C2CD4B: variants seen among roughly 807,000 people sequenced by gnomAD.
C2CD4B encodes C2 calcium dependent domain containing 4B.
For synonymous variants in C2CD4B, 347 were observed against 284.9 expected, an observed-to-expected ratio of 1.22 and a Z score of -2.20; for missense variants, 644 against 577.7, an observed-to-expected ratio of 1.11 and a Z score of -1.18.
In C2CD4B at chr15:62,164,578, G is replaced by C; in HGVS notation, c.407C>G (p.Pro136Arg). 1.7e-6 allele frequency: 2 copies of C among 1,198,298 alleles called. No individual in the cohort carries two copies. The highest frequency in any genetic ancestry group is 2.1e-6 in the Non-Finnish European group (2 of 969,684). The allele number at this position is 1,198,298 out of a possible 1,614,324, so 74.2% of individuals were successfully genotyped here. ...RAHSCGGGGG[P>R]DAPLGTLCGP... ...GCACAGGGTCCCCAGGGGGGCGTCC[G>C]GGCCTCCGCCGCCGCCGCAGCTGTG... The change falls in exon 2 of 2, where the codon CCG (proline) becomes CGG (arginine). Residue 136 changes from proline to arginine, a missense_variant. Coordinates refer to ENST00000380392, the MANE Select transcript of C2CD4B (RefSeq NM_001007595.3).
rs769432161 is a variant in C2CD4B, at chr15:62,164,935, G to T, written c.50C>A (p.Pro17Gln). ...LCSSAAGSSA[P>Q]KPAFAKVLTP... ...GAGCACTTTGGCGAAGGCGGGCTTC[G>T]GCGCGGAGCTGCCTGCGGCCGAGGA... is the stretch of plus-strand genomic sequence containing the variant. The change falls in exon 2 of 2, where the codon CCG (proline) becomes CAG (glutamine). Residue 17 changes from proline to glutamine, a missense_variant. Coordinates refer to ENST00000380392, the MANE Select transcript of C2CD4B (RefSeq NM_001007595.3). 62 of 1,535,236 alleles carry T rather than the reference G, an allele frequency of 4.0e-5. No homozygotes were observed. In the East Asian group the frequency reaches 1.3e-3, roughly 33 times the overall value.
chr15:62,164,816 G>A lies in C2CD4B; in HGVS notation c.169C>T (p.Arg57Cys). 1.4e-6 allele frequency: 2 copies of A among 1,465,114 alleles called. No individual in the cohort carries two copies. The highest frequency in any genetic ancestry group is 2.3e-4 in the Middle Eastern group (1 of 4,362). The allele number at this position is 1,465,114 out of a possible 1,614,324, so 90.8% of individuals were successfully genotyped here. A position where few individuals can be genotyped will look rare whatever the true frequency, so the allele number is the denominator to read the frequency against. The change falls in exon 2 of 2, where the codon CGC (arginine) becomes TGC (cysteine). Residue 57 changes from arginine to cysteine, a missense_variant. Coordinates refer to ENST00000380392, the MANE Select transcript of C2CD4B (RefSeq NM_001007595.3). ...CACAGGTCGCTTTCAGCGGCGCAGCGCCGGGGCACGGCGGCGGCCCGGATT... is the reference window on the plus strand; with the variant it reads ...CACAGGTCGCTTTCAGCGGCGCAGCACCGGGGCACGGCGGCGGCCCGGATT... The part of the protein sequence containing the change: ...SPIRAAAVPR[R>C]CAAESDLWPR...
chr15:62,163,992 G>GC lies in C2CD4B; in HGVS notation c.992dup (p.Leu332ProfsTer10), dbSNP rs771096284. On this transcript the variant is annotated frameshift_variant, in exon 2 of 2. Transcript: ENST00000380392. LOFTEE classifies it low-confidence loss of function (END_TRUNC). ...CCCGGGCCTTGACGCGAACGGCCAG[G>GC]CGGCGCACCTCGTCTTCCGAGAGGC... is the stretch of plus-strand genomic sequence containing the variant. 5.0e-6 allele frequency: 8 copies of GC among 1,600,690 alleles called. No individual in the cohort carries two copies. Among genetic ancestry groups the GC allele is most frequent in the Non-Finnish European group, 6.8e-6 (8 of 1,176,038 alleles).
chr15:62,163,711 C>G lies in C2CD4B; in HGVS notation c.*179G>C. On this transcript the variant is annotated 3_prime_UTR_variant, in exon 2 of 2. Coordinates refer to ENST00000380392, the MANE Select transcript of C2CD4B (RefSeq NM_001007595.3). ...AGATATGGGGGTCCTGTGAACAGAA[C>G]AGGGAGTCATTATCTTTTTCTTCTT... 5 of 946,712 alleles carry G rather than the reference C, an allele frequency of 5.3e-6. No individual in the cohort carries two copies. Among genetic ancestry groups the G allele is most frequent in the Non-Finnish European group, 7.2e-6 (5 of 698,892 alleles). 58.6% of individuals were successfully genotyped at this position (946,712 alleles called of 1,614,324 possible).
rs772180933 is a variant in C2CD4B, at chr15:62,164,809, G to A, written c.176C>T (p.Ala59Val). 1.4e-6 allele frequency: 2 copies of A among 1,469,680 alleles called. No individual in the cohort carries two copies. The highest frequency in any genetic ancestry group is 2.7e-5 in the South Asian group (2 of 73,866). The allele number at this position is 1,469,680 out of a possible 1,614,324, so 91.0% of individuals were successfully genotyped here. A position where few individuals can be genotyped will look rare whatever the true frequency, so the allele number is the denominator to read the frequency against. Reference sequence around the variant, plus strand: ...GCGGGGCCACAGGTCGCTTTCAGCGGCGCAGCGCCGGGGCACGGCGGCGGC... The same window carrying A: ...GCGGGGCCACAGGTCGCTTTCAGCGACGCAGCGCCGGGGCACGGCGGCGGC... ...IRAAAVPRRC[A>V]AESDLWPRAA... The change falls in exon 2 of 2, where the codon GCC (alanine) becomes GTC (valine). Residue 59 changes from alanine to valine, a missense_variant. Ala to Val is a moderately conservative substitution (Grantham distance 64). Transcript: ENST00000380392.
Position 62,164,951 on chromosome 15 carries a change from CG to C in C2CD4B, c.33del (p.Ala12GlnfsTer173). The C allele has an allele frequency of 2.0e-6, 3 of 1,528,154 alleles. No individual in the cohort carries two copies. Among genetic ancestry groups the C allele is most frequent in the Non-Finnish European group, 2.6e-6 (3 of 1,139,462 alleles). 94.7% of individuals were successfully genotyped at this position (1,528,154 alleles called of 1,614,324 possible). A position where few individuals can be genotyped will look rare whatever the true frequency, so the allele number is the denominator to read the frequency against. On this transcript the variant is annotated frameshift_variant, in exon 2 of 2. Coordinates refer to ENST00000380392, the MANE Select transcript of C2CD4B (RefSeq NM_001007595.3). LOFTEE classifies it low-confidence loss of function (END_TRUNC). ...GCGGGCTTCGGCGCGGAGCTGCCTGCGGCCGAGGAACAGAGTTTCTCGAGGA... is the reference window on the plus strand; with the variant it reads ...GCGGGCTTCGGCGCGGAGCTGCCTGCGCCGAGGAACAGAGTTTCTCGAGGA... MRLLEKLCSSAAGSSAPKPAF... is the reference protein window; with the variant it reads MRLLEKLCSSXAGSSAPKPAF...
Position 62,163,997 on chromosome 15 carries a change from G to T in C2CD4B, c.988C>A (p.Arg330Ser). ...CFDGLSEDEV[R>S]RLAVRVKARD... ...GCCTTGACGCGAACGGCCAGGCGGC[G>T]CACCTCGTCTTCCGAGAGGCCGTCG... The change falls in exon 2 of 2, where the codon CGC (arginine) becomes AGC (serine). Residue 330 changes from arginine (R) to serine (S), a missense_variant. By Grantham distance (110) the Arg-to-Ser change is moderately radical (BLOSUM62 -1). Transcript: ENST00000380392. 6.2e-7 allele frequency: 1 copy of T among 1,600,776 alleles called. No individual in the cohort carries two copies. Among genetic ancestry groups the T allele is most frequent in the South Asian group, 1.1e-5 (1 of 88,974 alleles).
In C2CD4B at chr15:62,164,755, TC is replaced by T; in HGVS notation, c.229del (p.Asp77ThrfsTer108). The T allele has an allele frequency of 6.7e-7, 1 of 1,486,318 alleles. No individual in the cohort carries two copies. The highest frequency in any genetic ancestry group is 1.3e-5 in the South Asian group (1 of 78,122). The allele number at this position is 1,486,318 out of a possible 1,614,324, so 92.1% of individuals were successfully genotyped here. On this transcript the variant is annotated frameshift_variant, in exon 2 of 2. Coordinates refer to ENST00000380392, the MANE Select transcript of C2CD4B (RefSeq NM_001007595.3). LOFTEE classifies it low-confidence loss of function (END_TRUNC). ...CGCTGCCTGCGAGCGCGGGTCCCAG[TC>T]CGTGCGGCCGGCGTCCTCGTCTGCC... The part of the protein sequence containing the change: ...RAADEDAGRT[D>X]WDPRSQAALS...
chr15:62,164,848 T>C lies in C2CD4B; in HGVS notation c.137A>G (p.Glu46Gly). The C allele has an allele frequency of 4.0e-6, 6 of 1,485,896 alleles. No individual in the cohort carries two copies. Among genetic ancestry groups the C allele is most frequent in the Non-Finnish European group, 5.3e-6 (6 of 1,124,954 alleles). The allele number at this position is 1,485,896 out of a possible 1,614,324, so 92.0% of individuals were successfully genotyped here. ...PPRLPAPCTL[E>G]SPIRAAAVPR... is the part of the protein sequence containing the mutation. ...CACGGCGGCGGCCCGGATTGGAGAC[T>C]CGAGCGTGCAAGGGGCCGGCAGCCG... Residue 46 changes from glutamate to glycine, a missense_variant, in exon 2 of 2, where the codon GAG becomes GGG. Transcript: ENST00000380392.
chr15:62,163,893 G>A lies in C2CD4B; in HGVS notation c.1092C>T (p.Leu364=), dbSNP rs2049577618. Residue 364 remains leucine (L), a synonymous_variant, in exon 2 of 2, where the codon CTC becomes CTT. Transcript: ENST00000380392. The part of the protein sequence containing the change: ...GELSLGALLL[L] ...CGCCCCGGGGAGGGCTGGGCCCTCA[G>A]AGCAGCAGGAGGGCGCCCAGGGACA... 1 of 1,508,844 alleles carries A rather than the reference G, an allele frequency of 6.6e-7. No individual in the cohort carries two copies. The highest frequency in any genetic ancestry group is 8.8e-7 in the Non-Finnish European group (1 of 1,134,298). The allele number at this position is 1,508,844 out of a possible 1,614,324, so 93.5% of individuals were successfully genotyped here.
chr15:62,164,445 G>C lies in C2CD4B; in HGVS notation c.540C>G (p.Pro180=). Residue 180 remains proline, a synonymous_variant, in exon 2 of 2, where the codon CCC becomes CCG. Transcript: ENST00000380392. ...GPRRCRLLRV[P]DGLLSRALRA... Reference sequence around the variant, plus strand: ...GCAGCGCGCGACTCAGCAGCCCGTCGGGGACGCGCAGGAGGCGGCAGCGGC... The same window carrying C: ...GCAGCGCGCGACTCAGCAGCCCGTCCGGGACGCGCAGGAGGCGGCAGCGGC... 7.6e-7 allele frequency: 1 copy of C among 1,320,958 alleles called. No homozygotes were observed. Among genetic ancestry groups the C allele is most frequent in the Non-Finnish European group, 9.6e-7 (1 of 1,041,772 alleles). 81.8% of individuals were successfully genotyped at this position (1,320,958 alleles called of 1,614,324 possible). A position where few individuals can be genotyped will look rare whatever the true frequency, so the allele number is the denominator to read the frequency against.
rs3195576 is a variant in C2CD4B, at chr15:62,163,959, A to G, written c.1026T>C (p.Gly342=). The G allele has an allele frequency of 6.3e-7, 1 of 1,587,022 alleles. No individual in the cohort carries two copies. The highest frequency in any genetic ancestry group is 8.5e-7 in the Non-Finnish European group (1 of 1,170,168). ...GCAGGCGGCCCCGATCCCGGCCGCG[A>G]CCCTCATCCCGGGCCTTGACGCGAA... ...LAVRVKARDE[G]RGRDRGRLLG... The change falls in exon 2 of 2, where the codon GGT becomes GGC. Residue 342 remains glycine (G), a synonymous_variant. Transcript: ENST00000380392.
chr15:62,164,795 G>A lies in C2CD4B; in HGVS notation c.190C>T (p.Leu64=). Residue 64 remains leucine (L), a synonymous_variant, in exon 2 of 2, where the codon CTG becomes TTG. Coordinates refer to ENST00000380392, the MANE Select transcript of C2CD4B (RefSeq NM_001007595.3). The stretch of plus-strand genomic sequence containing the variant: ...TCCTCGTCTGCCGCGCGGGGCCACA[G>A]GTCGCTTTCAGCGGCGCAGCGCCGG... The part of the protein sequence containing the change: ...VPRRCAAESD[L]WPRAADEDAG... The A allele has an allele frequency of 6.1e-6, 9 of 1,476,038 alleles. No homozygotes were observed. The highest frequency in any genetic ancestry group is 1.3e-5 in the South Asian group (1 of 75,440). The allele number at this position is 1,476,038 out of a possible 1,614,324, so 91.4% of individuals were successfully genotyped here. A position where few individuals can be genotyped will look rare whatever the true frequency, so the allele number is the denominator to read the frequency against.
In C2CD4B at chr15:62,164,741, A is replaced by C. The variant is rs530840238; in HGVS notation, c.244T>G (p.Ser82Ala). 1 of 1,479,052 alleles carries C rather than the reference A, an allele frequency of 6.8e-7. No homozygotes were observed. Among genetic ancestry groups the C allele is most frequent in the East Asian group, 2.9e-5 (1 of 34,636 alleles). The allele number at this position is 1,479,052 out of a possible 1,614,324, so 91.6% of individuals were successfully genotyped here. A position where few individuals can be genotyped will look rare whatever the true frequency, so the allele number is the denominator to read the frequency against. Residue 82 changes from serine (S) to alanine (A), a missense_variant, in exon 2 of 2, where the codon TCG becomes GCG. Ser to Ala is a moderately conservative substitution (Grantham distance 99). Transcript: ENST00000380392. ...DAGRTDWDPR[S>A]QAALSLPHLP... is the part of the protein sequence containing the mutation. ...TGCGGCAGTGACAGCGCTGCCTGCG[A>C]GCGCGGGTCCCAGTCCGTGCGGCCG...
In C2CD4B at chr15:62,164,334, G is replaced by C; in HGVS notation, c.651C>G (p.Ser217=). The stretch of plus-strand genomic sequence containing the variant: ...GGCTCGAGGAGGGGGCCCGGGCCGG[G>C]GACTCGGATCCCGCGCGGCGCTCCT... The part of the protein sequence containing the change: ...EDEERRAGSE[S]PARAPSSSPL... The change falls in exon 2 of 2, where the codon TCC becomes TCG. Residue 217 remains serine, a synonymous_variant. Coordinates refer to ENST00000380392, the MANE Select transcript of C2CD4B (RefSeq NM_001007595.3). The C allele has an allele frequency of 7.1e-7, 1 of 1,401,614 alleles. No homozygotes were observed. Among genetic ancestry groups the C allele is most frequent in the African/African-American group, 1.5e-5 (1 of 66,206 alleles). 86.8% of individuals were successfully genotyped at this position (1,401,614 alleles called of 1,614,324 possible).
Position 62,164,178 on chromosome 15 carries a change from C to T in C2CD4B, c.807G>A (p.Leu269=). ...CTCCGAACAGGCTCTCCGCGCGGAGCAGCCGGAGGCGGAGACGCCGGGTTC... is the reference window on the plus strand; with the variant it reads ...CTCCGAACAGGCTCTCCGCGCGGAGTAGCCGGAGGCGGAGACGCCGGGTTC... ...CPGTRRLRLR[L]LRAESLFGGA... Residue 269 remains leucine, a synonymous_variant, in exon 2 of 2, where the codon CTG becomes CTA. Transcript: ENST00000380392. 2.7e-6 allele frequency: 4 copies of T among 1,472,666 alleles called. No individual in the cohort carries two copies. Among genetic ancestry groups the T allele is most frequent in the Non-Finnish European group, 3.6e-6 (4 of 1,120,838 alleles). 91.2% of individuals were successfully genotyped at this position (1,472,666 alleles called of 1,614,324 possible). A position where few individuals can be genotyped will look rare whatever the true frequency, so the allele number is the denominator to read the frequency against.
rs776302952 is a variant in C2CD4B at position 62,164,734 on chromosome 15, G to A, written c.251C>T (p.Ala84Val). The A allele has an allele frequency of 6.8e-7, 1 of 1,478,732 alleles. No individual in the cohort carries two copies. Among genetic ancestry groups the A allele is most frequent in the Admixed American group, 2.4e-5 (1 of 41,680 alleles). The allele number at this position is 1,478,732 out of a possible 1,614,324, so 91.6% of individuals were successfully genotyped here. A position where few individuals can be genotyped will look rare whatever the true frequency, so the allele number is the denominator to read the frequency against. ...GRTDWDPRSQ[A>V]ALSLPHLPRV... ...GGGCAGGTGCGGCAGTGACAGCGCT[G>A]CCTGCGAGCGCGGGTCCCAGTCCGT... The change falls in exon 2 of 2, where the codon GCA becomes GTA. Residue 84 changes from alanine to valine, a missense_variant. Coordinates refer to ENST00000380392, the MANE Select transcript of C2CD4B (RefSeq NM_001007595.3).
rs573595991 is a variant in C2CD4B, at chr15:62,165,031, G to T, written c.-40-7C>A. On this transcript the variant is annotated splice_region_variant and splice_polypyrimidine_tract_variant and intron_variant, in intron 1 of 1. Transcript: ENST00000380392. Reference sequence around the variant, plus strand: ...GTGGCGGGAAGAGGTGCGCCTGCGGGGGAGAGAAGCTGCTGAGTTTGGGCG... The same window carrying T: ...GTGGCGGGAAGAGGTGCGCCTGCGGTGGAGAGAAGCTGCTGAGTTTGGGCG... 2 of 1,465,776 alleles carry T rather than the reference G, an allele frequency of 1.4e-6. No homozygotes were observed. The highest frequency in any genetic ancestry group is 2.5e-4 in the Middle Eastern group (1 of 4,054). 90.8% of individuals were successfully genotyped at this position (1,465,776 alleles called of 1,614,324 possible).
At position 62,164,909 on chromosome 15, in the gene C2CD4B, T is replaced by G; in HGVS notation, c.76A>C (p.Thr26Pro). 6.5e-7 allele frequency: 1 copy of G among 1,537,282 alleles called. No individual in the cohort carries two copies. Among genetic ancestry groups the G allele is most frequent in the South Asian group, 1.2e-5 (1 of 83,932 alleles). ...APKPAFAKVL[T>P]PNRIPEFCIP... ...CAGAATTCGGGGATGCGATTCGGCG[T>G]GAGCACTTTGGCGAAGGCGGGCTTC... Residue 26 changes from threonine to proline, a missense_variant, in exon 2 of 2, where the codon ACG (threonine) becomes CCG (proline). Transcript: ENST00000380392.
Sources: gnomAD v4.1 joint callset for allele counts on GRCh38, gnomAD v4.1.1 for gene constraint, MANE v1.5 for transcripts, NCBI Gene and HGNC (gene_info 2026-07-23, HGNC 2026-07-21) for gene names.